Variants in SLC24A4 observed in about 807,000 individuals in gnomAD.
SLC24A4 encodes the protein sodium/potassium/calcium exchanger 4.
Under a neutral mutation model 79.0 loss-of-function variants are expected in SLC24A4, and 53 were observed. The ratio of observed to expected loss-of-function variants is 0.67; its 90% CI spans 0.54 to 0.84. The LOEUF is 0.84. SLC24A4 is among the 40% of genes least tolerant of loss of function. The pLI is 0.00. For missense variants in SLC24A4, 731 were observed against 822.0 expected (o/e 0.89, Z 1.35); for synonymous variants, 323 against 323.8 (o/e 1.00, Z 0.03).
At chr14:92,483,618 T>C (rs1345512919) in intron 13 of SLC24A4, 4 of 660,426 alleles carry the variant, frequency 6.1e-6, no homozygotes, top group Non-Finnish European at 9.5e-6. Context: ...CAAGTCCCCA[T>C]GTAAACCTTT....
At chr14:92,370,228 T>C (rs1331618676) in intron 2 of SLC24A4, among the ~76,000 whole-genome samples, 1 of 152,078 alleles carries the variant, frequency 6.6e-6, no homozygotes, top group Non-Finnish European at 1.5e-5. Context: ...TGAGATAAAA[T>C]AGAGAAAGTC....
intron 2 of SLC24A4, among the ~76,000 whole-genome samples, chr14:92,335,776 G>A (rs937981067): frequency 6.6e-6 from 1 of 152,136 alleles, no homozygotes; most frequent in African/African-American, 2.4e-5. Flanking sequence ...TTTAATTCAG[G>A]TGGTCTGAAT....
chr14:92,491,648 G>A lies in SLC24A4; in HGVS notation c.1538-17G>A, dbSNP rs373041970. On this transcript the variant is annotated splice_polypyrimidine_tract_variant and intron_variant, in intron 14 of 16. Transcript: ENST00000532405. ...TGACCTGCTCTTATAAAATAAATGT[G>A]TTGTTGTCCCCTGCAGGCCTTGGGG... is the stretch of plus-strand genomic sequence containing the variant. 2.4e-5 allele frequency: 38 copies of A among 1,553,966 alleles called. No homozygotes were observed. The highest frequency in any genetic ancestry group is 2.8e-5 in the Non-Finnish European group (32 of 1,125,368).
At chr14:92,361,904 T>C (rs1012628307) in intron 2 of SLC24A4, among the ~76,000 whole-genome samples, 4 of 152,152 alleles carry the variant, frequency 2.6e-5, no homozygotes, top group Admixed American at 2.6e-4. Context: ...GAACGGAACC[T>C]GGATATGGCA....
At chr14:92,384,638 C>T (rs1889046895) in intron 2 of SLC24A4, among the ~76,000 whole-genome samples, 1 of 152,018 alleles carries the variant, frequency 6.6e-6, no homozygotes, top group Non-Finnish European at 1.5e-5. Context: ...TCCTGGCTGG[C>T]TTCATGGAGG....
chr14:92,432,741 G>A (rs2402140), intron 2 of SLC24A4, among the ~76,000 whole-genome samples: 112,370 of 152,138 alleles, frequency 0.74, 41,750 homozygotes, highest in East Asian at 0.98. Context: ...TGGGGAGCTG[G>A]TGTTTTCTGT....
chr14:92,443,329 G>A, intron 6 of SLC24A4, 71 bp from the exon 7 acceptor site: 1 of 1,453,602 alleles, frequency 6.9e-7, no homozygotes, highest in Non-Finnish European at 9.6e-7. Flanking sequence ...GCGGGGGGAG[G>A]AGGCCTGGGC....
At chr14:92,485,978 G>T (rs1895332584) in intron 13 of SLC24A4, among the ~76,000 whole-genome samples, 1 of 152,146 alleles carries the variant, frequency 6.6e-6, no homozygotes. Flanking sequence ...TATAAAGAAG[G>T]CAGTGTCCAC....
intron 2 of SLC24A4, among the ~76,000 whole-genome samples, 155 bp from the exon 3 acceptor site, chr14:92,433,757 G>C (rs1892004898): frequency 6.6e-6 from 1 of 152,184 alleles, no homozygotes; most frequent in Non-Finnish European, 1.5e-5. Flanking sequence ...GAGAGCACTG[G>C]TCTGCCCCTG....
chr14:92,364,297 G>T (rs1887700577), intron 2 of SLC24A4, among the ~76,000 whole-genome samples: 1 of 152,176 alleles, frequency 6.6e-6, no homozygotes, highest in South Asian at 2.1e-4. Flanking sequence ...TGGGATCATG[G>T]CTACCTCTTT....
intron 2 of SLC24A4, among the ~76,000 whole-genome samples, chr14:92,416,845 T>C (rs1022715989): frequency 5.3e-5 from 8 of 152,252 alleles, no homozygotes; most frequent in African/African-American, 1.9e-4. Flanking sequence ...CTAGAAGGAA[T>C]GAGGCAGACT....
chr14:92,329,544 T>C (rs1050772839), intron 2 of SLC24A4, among the ~76,000 whole-genome samples: 2 of 152,216 alleles, frequency 1.3e-5, no homozygotes, highest in African/African-American at 4.8e-5. Flanking sequence ...TGTTTTTGTT[T>C]TGTTTTGTCA....
intron 2 of SLC24A4, among the ~76,000 whole-genome samples, chr14:92,361,059 G>A (rs148204416): frequency 6.6e-5 from 10 of 152,234 alleles, no homozygotes; most frequent in East Asian, 1.9e-4. Context: ...GCGAGCACCC[G>A]GAGCCTCTGC....
chr14:92,487,445 C>CAGA (rs1555375962), intron 14 of SLC24A4, among the ~76,000 whole-genome samples: 1 of 151,664 alleles, frequency 6.6e-6, no homozygotes, highest in African/African-American at 2.4e-5. Flanking sequence ...TCACAGGAGA[C>CAGA]AGAAGAGAAC....
intron 2 of SLC24A4, among the ~76,000 whole-genome samples, chr14:92,337,856 T>G (rs1006787784): frequency 1.3e-5 from 2 of 152,184 alleles, no homozygotes; most frequent in African/African-American, 4.8e-5. Flanking sequence ...TACAAGTTTT[T>G]TTTTGCAGCT....
At position 92,443,384 on chromosome 14, in the gene SLC24A4, G is replaced by A. The variant is rs73339529; in HGVS notation, c.583-16G>A. On this transcript the variant is annotated splice_polypyrimidine_tract_variant and intron_variant, in intron 6 of 16. Coordinates refer to ENST00000532405, the MANE Select transcript of SLC24A4 (RefSeq NM_153646.4). Reference sequence around the variant, plus strand: ...TTCTGCGCTCATAGCAGCCAACGACGGGGCTCTGCTGGCAGGTGGTCCGTC... The same window carrying A: ...TTCTGCGCTCATAGCAGCCAACGACAGGGCTCTGCTGGCAGGTGGTCCGTC... 5.6e-6 allele frequency: 9 copies of A among 1,613,778 alleles called. No homozygotes were observed. Among genetic ancestry groups the A allele is most frequent in the Admixed American group, 1.7e-5 (1 of 60,002 alleles).
chr14:92,357,121 C>T (rs1226654548), intron 2 of SLC24A4, among the ~76,000 whole-genome samples: 4 of 152,188 alleles, frequency 2.6e-5, no homozygotes, highest in African/African-American at 9.7e-5. Flanking sequence ...TTGAGACTTA[C>T]TCGAGCTGTG....
intron 2 of SLC24A4, among the ~76,000 whole-genome samples, chr14:92,372,193 G>C (rs1888206606): frequency 6.6e-6 from 1 of 152,200 alleles, no homozygotes; most frequent in Non-Finnish European, 1.5e-5. Flanking sequence ...CCAGACTGAG[G>C]TCAGAGTTGG....
At chr14:92,345,793 G>T (rs1456205838) in intron 2 of SLC24A4, among the ~76,000 whole-genome samples, 3 of 152,204 alleles carry the variant, frequency 2.0e-5, no homozygotes, top group African/African-American at 7.2e-5. Flanking sequence ...TGTTCATAGG[G>T]CACCCACCCC....
Sources: gnomAD v4.1 joint callset for allele counts (sites outside exome capture counted in the v4.1 genomes callset) on GRCh38, gnomAD v4.1.1 for gene constraint, MANE v1.5 for transcripts, NCBI Gene and HGNC (gene_info 2026-07-23, HGNC 2026-07-21) for gene names.